The following ATF1 variants were observed in gnomAD, a reference collection of about 807,000 sequenced individuals.
ATF1 encodes cyclic AMP-dependent transcription factor ATF-1.
Under a neutral mutation model 34.7 loss-of-function variants are expected in ATF1, and 16 were observed. The observed-to-expected ratio is 0.46, with a 90% CI of 0.31 to 0.70. The LOEUF (loss-of-function observed/expected upper bound fraction) is 0.70. ATF1 is among the 30% of genes least tolerant of loss of function. The pLI, the probability that ATF1 is intolerant of heterozygous loss-of-function variation, is 0.05. For synonymous variants in ATF1, 105 were observed against 113.1 expected (o/e 0.93, Z 0.46); for missense variants, 255 against 321.6 (o/e 0.79, Z 1.58).
At chr12:50,784,897 A>T (rs1318539934) in intron 2 of ATF1, among the ~76,000 whole-genome samples, 4 of 150,844 alleles carry the variant, frequency 2.7e-5, no homozygotes, top group Non-Finnish European at 4.4e-5. Context: ...TTATTTATTT[A>T]TTATTTATTA....
chr12:50,810,468 A>C (rs1941714090), intron 4 of ATF1, among the ~76,000 whole-genome samples: 1 of 151,436 alleles, frequency 6.6e-6, no homozygotes, highest in African/African-American at 2.4e-5. Flanking sequence ...TGATTCACCC[A>C]CCTTGGCCTC....
chr12:50,807,250 A>T (rs898868419), intron 3 of ATF1, among the ~76,000 whole-genome samples: 1 of 151,850 alleles, frequency 6.6e-6, no homozygotes, highest in East Asian at 1.9e-4. Flanking sequence ...CTAAAAAAAT[A>T]AAAAATTAGC....
intron 2 of ATF1, among the ~76,000 whole-genome samples, chr12:50,787,597 C>T (rs780051880): frequency 3.3e-5 from 5 of 151,820 alleles, no homozygotes; most frequent in Non-Finnish European, 5.9e-5. Context: ...AAAAAAAAGC[C>T]AGGCATGGTG....
intron 2 of ATF1, among the ~76,000 whole-genome samples, chr12:50,793,611 C>T (rs1217095388): frequency 4.4e-5 from 6 of 136,644 alleles, no homozygotes; most frequent in African/African-American, 8.4e-5. Flanking sequence ...CCAGCCTGGG[C>T]GACAAGAGCA....
intron 3 of ATF1, among the ~76,000 whole-genome samples, chr12:50,804,267 G>A (rs1336074591): frequency 3.3e-5 from 5 of 152,102 alleles, no homozygotes; most frequent in African/African-American, 1.2e-4. Flanking sequence ...TGTCATATAA[G>A]ATAGACTTCA....
intron 1 of ATF1, among the ~76,000 whole-genome samples, chr12:50,765,640 G>T (rs1940614936): frequency 6.6e-6 from 1 of 152,182 alleles, no homozygotes; most frequent in African/African-American, 2.4e-5. Context: ...TTCCCAGACA[G>T]TTAAGGCATT....
rs550467653 is a variant in ATF1, at chr12:50,820,100, A to ATT, written c.*328_*329dup. 1 of 253,134 alleles carries ATT rather than the reference A, an allele frequency of 4.0e-6. No individual in the cohort carries two copies. The highest frequency in any genetic ancestry group is 2.2e-5 in the African/African-American group (1 of 45,052). The allele number at this position is 253,134 out of a possible 1,614,324, so 15.7% of individuals were successfully genotyped here. On this transcript the variant is annotated 3_prime_UTR_variant, in exon 7 of 7. Transcript: ENST00000262053. ...GAGAAGATGAAATTTGATAAACTGA[A>ATT]TTTTTTTTAAAAATCCATTTACCCT... is the stretch of plus-strand genomic sequence containing the variant.
At chr12:50,791,403 A>C (rs916597599) in intron 2 of ATF1, among the ~76,000 whole-genome samples, 4 of 152,198 alleles carry the variant, frequency 2.6e-5, no homozygotes, top group Non-Finnish European at 4.4e-5. Flanking sequence ...TAAAAATACA[A>C]AAATTAGCTG....
chr12:50,784,630 G>A (rs182660849), intron 2 of ATF1, among the ~76,000 whole-genome samples: 35 of 152,210 alleles, frequency 2.3e-4, no homozygotes, highest in Admixed American at 1.4e-3. Context: ...TCTGGGTGAC[G>A]TGGGGAACCT....
At chr12:50,780,064 T>G (rs1941020868) in intron 1 of ATF1, 76 bp from the exon 2 acceptor site, 1 of 1,119,090 alleles carries the variant, frequency 8.9e-7, no homozygotes, top group Non-Finnish European at 1.3e-6. Context: ...AATGATCAAT[T>G]TTTATATGAT....
chr12:50,765,253 G>A (rs754445847), intron 1 of ATF1, among the ~76,000 whole-genome samples: 8 of 152,092 alleles, frequency 5.3e-5, no homozygotes, highest in African/African-American at 9.7e-5. Flanking sequence ...TTTAACCTGA[G>A]GTTTTTGTTA....
intron 2 of ATF1, among the ~76,000 whole-genome samples, chr12:50,795,300 C>T (rs1423327305): frequency 6.6e-6 from 1 of 152,100 alleles, no homozygotes; most frequent in Non-Finnish European, 1.5e-5. Flanking sequence ...CTGGTGACTC[C>T]TTAGTCTCAT....
upstream of ATF1, among the ~76,000 whole-genome samples, chr12:50,763,481 A>AGC (rs145764265): frequency 0.048 from 7,235 of 150,738 alleles, 583 homozygotes; most frequent in African/African-American, 0.17. Flanking sequence ...CGAGCGTGGT[A>AGC]GCGCGCGCCT....
At position 50,770,999 on chromosome 12, in the gene ATF1, C is replaced by CT. The variant is rs200781102; in HGVS notation, c.-7+6702dup. Among the ~76,000 whole-genome samples, 1,064 of 149,940 alleles carry CT rather than the reference C, an allele frequency of 7.1e-3. 42 individuals are homozygous for CT. The highest frequency in any genetic ancestry group is 0.052 in the Admixed American group (773 of 14,994). On this transcript the variant is annotated intron_variant, in intron 1 of 6. Transcript: ENST00000262053. Reference sequence around the variant, plus strand: ...ATAACTTTACTTATTTTGCTTTACTCTTTTTTTTTTCTTTCTTTCTTTTTG... The same window carrying CT: ...ATAACTTTACTTATTTTGCTTTACTCTTTTTTTTTTTCTTTCTTTCTTTTTG...
chr12:50,816,242 G>T (rs1941840583), intron 6 of ATF1, among the ~76,000 whole-genome samples: 1 of 152,094 alleles, frequency 6.6e-6, no homozygotes, highest in Non-Finnish European at 1.5e-5. Flanking sequence ...TGGGAGGATT[G>T]CTTGAGCCCA....
chr12:50,767,220 T>TA (rs71086474), intron 1 of ATF1, among the ~76,000 whole-genome samples: 51,756 of 147,266 alleles, frequency 0.35, 9,010 homozygotes, highest in Non-Finnish European at 0.39. Flanking sequence ...AGTGAATGGT[T>TA]AAAAAAAAAA....
rs548050214 is a variant in ATF1 at position 50,804,826 on chromosome 12, T to C, written c.195-4630T>C. On this transcript the variant is annotated intron_variant, in intron 3 of 6. Coordinates refer to ENST00000262053, the MANE Select transcript of ATF1 (RefSeq NM_005171.5). The stretch of plus-strand genomic sequence containing the variant: ...CAACAAGATCTTTTTTTTTTTTTTT[T>C]CCCGAGACGGAGTCTCACGCTGTCA... Among the ~76,000 whole-genome samples, 496 of 150,438 alleles carry C rather than the reference T, an allele frequency of 3.3e-3. 1 individual carries two copies. The highest frequency in any genetic ancestry group is 0.01 in the Middle Eastern group (3 of 290).
intron 2 of ATF1, among the ~76,000 whole-genome samples, chr12:50,794,929 A>C (rs937173988): frequency 4.6e-5 from 7 of 152,270 alleles, no homozygotes; most frequent in African/African-American, 1.4e-4. Context: ...AAAAATAAAA[A>C]AATTAAAAAT....
chr12:50,770,322 A>G (rs1018862171), intron 1 of ATF1, among the ~76,000 whole-genome samples: 10 of 152,218 alleles, frequency 6.6e-5, no homozygotes, highest in Non-Finnish European at 1.3e-4. Flanking sequence ...TAGAGCCAAT[A>G]AAAGCCCTTT....
Sources: gnomAD v4.1 joint callset for allele counts (sites outside exome capture counted in the v4.1 genomes callset) on GRCh38, gnomAD v4.1.1 for gene constraint, MANE v1.5 for transcripts, NCBI Gene and HGNC (gene_info 2026-07-23, HGNC 2026-07-21) for gene names.